IL2RA: variants seen among roughly 807,000 people sequenced by gnomAD.
IL2RA encodes interleukin 2 receptor subunit alpha.
A neutral mutation model predicts 37.8 loss-of-function variants in IL2RA; 24 were observed. The observed-to-expected ratio is 0.63, with a 90% CI of 0.46 to 0.89. The LOEUF (loss-of-function observed/expected upper bound fraction) is 0.89. IL2RA is among the 40% of genes least tolerant of loss of function. IL2RA has a pLI of 0.00. For missense variants in IL2RA, 319 were observed against 348.6 expected (o/e 0.92, Z 0.68); for synonymous variants, 125 against 114.6 (o/e 1.09, Z -0.58).
rs1337120805 is a variant in IL2RA at position 6,029,389 on chromosome 10, T to C, written c.65-3364A>G. On this transcript the variant is annotated intron_variant, in intron 1 of 7. Coordinates refer to ENST00000379959, the MANE Select transcript of IL2RA (RefSeq NM_000417.3). The surrounding 1 kb of genome is among the most constrained non-coding windows in gnomAD (Gnocchi z 4.6). ...CACGTTTGCCAGGCTGGTCTCGAAC[T>C]CCTGACCTCAGGTGATCCACCTGCC... Among the ~76,000 whole-genome samples the C allele has an allele frequency of 6.6e-6, 1 of 152,108 alleles. No homozygotes were observed. Among genetic ancestry groups the C allele is most frequent in the Non-Finnish European group, 1.5e-5 (1 of 68,010 alleles).
chr10:6,051,056 CTT>C (rs5782869), intron 1 of IL2RA, among the ~76,000 whole-genome samples: 54 of 146,394 alleles, frequency 3.7e-4, no homozygotes, highest in Non-Finnish European at 3.8e-4. Flanking sequence ...ACCCCTCCAA[CTT>C]TTTTTTTTTT....
At chr10:6,052,732 A>G (rs1198936799) in intron 1 of IL2RA, among the ~76,000 whole-genome samples, 2 of 152,134 alleles carry the variant, frequency 1.3e-5, no homozygotes, top group Non-Finnish European at 2.9e-5. Flanking sequence ...TGAAGGAGGT[A>G]TCTATTTTGG....
rs1476666425 is a variant in IL2RA, at chr10:6,044,704, T to G, written c.64+17384A>C. On this transcript the variant is annotated intron_variant, in intron 1 of 7. Coordinates refer to ENST00000379959, the MANE Select transcript of IL2RA (RefSeq NM_000417.3). This position sits in a 1 kb window ranked among gnomAD's most constrained non-coding sequence, Gnocchi z 4.5. ...TTTAAATGGCATAATTACAGAGATA[T>G]AAAATTTATGTATGCATGTGACCAG... is the stretch of plus-strand genomic sequence containing the variant. 4.6e-5 allele frequency among the ~76,000 whole-genome samples: 7 copies of G among 152,138 alleles called. No individual in the cohort carries two copies. The highest frequency in any genetic ancestry group is 4.6e-4 in the Admixed American group (7 of 15,282).
rs1324283625 is a variant in IL2RA at position 6,021,348 on chromosome 10, T to C, written c.583+130A>G. 5 of 792,912 alleles carry C rather than the reference T, an allele frequency of 6.3e-6. No homozygotes were observed. The highest frequency in any genetic ancestry group is 1.1e-5 in the Non-Finnish European group (5 of 471,490). The allele number at this position is 792,912 out of a possible 1,614,324, so 49.1% of individuals were successfully genotyped here. On this transcript the variant is annotated intron_variant, in intron 4 of 7. Transcript: ENST00000379959. This position sits in a 1 kb window ranked among gnomAD's most constrained non-coding sequence, Gnocchi z 4.9. ...TTTTTTTTCTCAGAATGAGAAAAAATGGAAGCCCAGGGAGATCAAGGGTCT... is the reference window on the plus strand; with the variant it reads ...TTTTTTTTCTCAGAATGAGAAAAAACGGAAGCCCAGGGAGATCAAGGGTCT...
chr10:6,030,605 T>A (rs1470366097), intron 1 of IL2RA, among the ~76,000 whole-genome samples: 1 of 152,162 alleles, frequency 6.6e-6, no homozygotes, highest in African/African-American at 2.4e-5. Flanking sequence ...CTTAGAGAAT[T>A]TATTATGGCA....
rs1839378355 is a variant in IL2RA at position 6,021,091 on chromosome 10, G to T, written c.583+387C>A. On this transcript the variant is annotated intron_variant, in intron 4 of 7. Transcript: ENST00000379959. This position sits in a 1 kb window ranked among gnomAD's most constrained non-coding sequence, Gnocchi z 4.9. ...AGATCATGCATTTACACGATCACCAGTAAGAGGAAAAATGTGTGAGTGGGA... is the reference window on the plus strand; with the variant it reads ...AGATCATGCATTTACACGATCACCATTAAGAGGAAAAATGTGTGAGTGGGA... Among the ~76,000 whole-genome samples the T allele has an allele frequency of 6.6e-6, 1 of 152,150 alleles. No homozygotes were observed. Among genetic ancestry groups the T allele is most frequent in the Admixed American group, 6.5e-5 (1 of 15,272 alleles).
chr10:6,037,817 C>A (rs532462652), intron 1 of IL2RA, among the ~76,000 whole-genome samples: 2 of 152,310 alleles, frequency 1.3e-5, no homozygotes, highest in African/African-American at 4.8e-5. Context: ...CGTTGACTCC[C>A]AGAGGAAATC....
chr10:6,061,445 A>G (rs1840120822), intron 1 of IL2RA, among the ~76,000 whole-genome samples: 1 of 152,210 alleles, frequency 6.6e-6, no homozygotes, highest in South Asian at 2.1e-4. Context: ...TTGCATATAT[A>G]AACACGTATA....
rs1839241473 is a variant in IL2RA, at chr10:6,014,280, ACT to A, written c.795-1386_795-1385del. Among the ~76,000 whole-genome samples, 1 of 151,668 alleles carries A rather than the reference ACT, an allele frequency of 6.6e-6. No homozygotes were observed. Among genetic ancestry groups the A allele is most frequent in the Non-Finnish European group, 1.5e-5 (1 of 67,916 alleles). On this transcript the variant is annotated intron_variant, in intron 7 of 7. Transcript: ENST00000379959. This position sits in a 1 kb window ranked among gnomAD's most constrained non-coding sequence, Gnocchi z 4.4. ...AACAAAAAATATTTCCCCAACCAAA[ACT>A]CTCTGGCTGGGCTACAGTGATCTTT...
At chr10:6,060,496 C>A (rs989957389) in intron 1 of IL2RA, among the ~76,000 whole-genome samples, 1 of 152,214 alleles carries the variant, frequency 6.6e-6, no homozygotes, top group African/African-American at 2.4e-5. Flanking sequence ...ATGGCTCACA[C>A]CTGTAATCCC....
chr10:6,043,349 G>A (rs4749926), intron 1 of IL2RA, among the ~76,000 whole-genome samples: 56,443 of 152,082 alleles, frequency 0.37, 10,806 homozygotes, highest in Admixed American at 0.46. Flanking sequence ...ATTCAAGAGA[G>A]CAATTACTGG....
chr10:6,034,969 T>A (rs1325066104), intron 1 of IL2RA, among the ~76,000 whole-genome samples: 2 of 152,152 alleles, frequency 1.3e-5, no homozygotes, highest in African/African-American at 4.8e-5. Context: ...TTTTCTGAGA[T>A]TATTTGAAGT....
At position 6,020,038 on chromosome 10, in the gene IL2RA, C is replaced by T; in HGVS notation, c.584-97G>A. 1 of 1,014,824 alleles carries T rather than the reference C, an allele frequency of 9.9e-7. No individual in the cohort carries two copies. Among genetic ancestry groups the T allele is most frequent in the Non-Finnish European group, 1.6e-6 (1 of 641,956 alleles). 62.9% of individuals were successfully genotyped at this position (1,014,824 alleles called of 1,614,324 possible). On this transcript the variant is annotated intron_variant, in intron 4 of 7. Transcript: ENST00000379959. The surrounding 1 kb of genome is among the most constrained non-coding windows in gnomAD (Gnocchi z 5.6). Reference sequence around the variant, plus strand: ...CCCAGGCAGCCGGCCCCAGACACGCCCGAGGAGGCAGGAATCCTGGTGTGG... The same window carrying T: ...CCCAGGCAGCCGGCCCCAGACACGCTCGAGGAGGCAGGAATCCTGGTGTGG...
rs545892727 is a variant in IL2RA, at chr10:6,045,687, T to C, written c.64+16401A>G. On this transcript the variant is annotated intron_variant, in intron 1 of 7. Coordinates refer to ENST00000379959, the MANE Select transcript of IL2RA (RefSeq NM_000417.3). ...AAACCAATTTCTTGGGATGGAGTCA[T>C]ATTTTTAGTAGAAATATGCTAAATT... 9.2e-5 allele frequency among the ~76,000 whole-genome samples: 14 copies of C among 152,318 alleles called. No individual in the cohort carries two copies. The East Asian group carries it at 2.5e-3, about 27-fold the overall frequency.
chr10:6,034,443 T>A (rs1389688459), intron 1 of IL2RA, among the ~76,000 whole-genome samples: 1 of 105,814 alleles, frequency 9.5e-6, no homozygotes, highest in Non-Finnish European at 2.2e-5. Context: ...AAATTTGGGA[T>A]TTTTTTTTTA....
At chr10:6,031,283 T>A (rs1316821608) in intron 1 of IL2RA, among the ~76,000 whole-genome samples, 1 of 151,038 alleles carries the variant, frequency 6.6e-6, no homozygotes, top group African/African-American at 2.4e-5. Flanking sequence ...AAAGATATAA[T>A]CTACAAAGAT....
chr10:6,059,738 C>T (rs2132908154), intron 1 of IL2RA, among the ~76,000 whole-genome samples: 1 of 152,254 alleles, frequency 6.6e-6, no homozygotes, highest in Admixed American at 6.5e-5. Flanking sequence ...GGTCTCTCTC[C>T]CTGGAATCTC....
rs12722595 is a variant in IL2RA, at chr10:6,015,218, G to C, written c.795-2322C>G. On this transcript the variant is annotated intron_variant, in intron 7 of 7. Coordinates refer to ENST00000379959, the MANE Select transcript of IL2RA (RefSeq NM_000417.3). The surrounding 1 kb of genome is among the most constrained non-coding windows in gnomAD (Gnocchi z 4.9). ...AGCGATTCTCCTGCATCAGCCTCCC[G>C]AGTAGCTAAGATTATAGGTGCGCAC... Among the ~76,000 whole-genome samples the C allele has an allele frequency of 0.025, 3,833 of 151,758 alleles. 80 individuals are homozygous for C. Among genetic ancestry groups the C allele is most frequent in the Middle Eastern group, 0.078 (23 of 294 alleles).
At chr10:6,031,628 G>A (rs192183694) in intron 1 of IL2RA, among the ~76,000 whole-genome samples, 3 of 150,366 alleles carry the variant, frequency 2.0e-5, no homozygotes, top group Admixed American at 6.6e-5. Context: ...AACATAAAAT[G>A]TTTGTAAATA....
Sources: allele counts gnomAD v4.1 joint callset (sites outside exome capture counted in the v4.1 genomes callset), GRCh38; gene constraint gnomAD v4.1.1; non-coding constraint Gnocchi (gnomAD v3.1); transcripts MANE v1.5; gene names NCBI Gene and HGNC (gene_info 2026-07-23, HGNC 2026-07-21).